Variants in ATP2B2 observed in about 807,000 individuals in gnomAD.
ATP2B2 encodes plasma membrane calcium-transporting ATPase 2.
ATP2B2 carries 15 observed loss-of-function variants against 120.0 expected under a neutral mutation model. The ratio of observed to expected loss-of-function variants is 0.12; its 90% confidence interval spans 0.08 to 0.19. The LOEUF (loss-of-function observed/expected upper bound fraction) is 0.19, where lower values mean the gene tolerates loss of function less well. ATP2B2 is among the 10% of genes least tolerant of loss of function. The pLI is 1.00. For synonymous variants in ATP2B2, 694 were observed against 700.3 expected (o/e 0.99, Z 0.14); for missense variants, 1,045 against 1,719.8 (o/e 0.61, Z 6.94).
At chr3:10,617,401 T>C (rs2069421341) in intron 2 of ATP2B2, among the ~76,000 whole-genome samples, 1 of 152,230 alleles carries the variant, frequency 6.6e-6, no homozygotes, top group Non-Finnish European at 1.5e-5. Context: ...TACCCGCCTA[T>C]AGTCAATACA....
intron 2 of ATP2B2, among the ~76,000 whole-genome samples, chr3:10,603,021 C>T (rs2068965330): frequency 1.3e-5 from 2 of 152,218 alleles, no homozygotes; most frequent in Admixed American, 6.5e-5. Context: ...CTGTGAAGCC[C>T]TATTTAAGGC....
At position 10,424,807 on chromosome 3, in the gene ATP2B2, T is replaced by C. The variant is rs141400302; in HGVS notation, c.200-13992A>G. On this transcript the variant is annotated intron_variant, in intron 2 of 22. Coordinates refer to ENST00000360273, the MANE Select transcript of ATP2B2 (RefSeq NM_001001331.4). ...GCAAGTTGCAGAACAATGTGTATAGTTTTATTCCACTTATGTAAAACAGAA... is the reference window on the plus strand; with the variant it reads ...GCAAGTTGCAGAACAATGTGTATAGCTTTATTCCACTTATGTAAAACAGAA... Among the ~76,000 whole-genome samples the C allele has an allele frequency of 1.5e-3, 221 of 152,306 alleles. 7 individuals are homozygous for C. In the South Asian group the frequency reaches 0.033, roughly 23 times the overall value.
intron 3 of ATP2B2, among the ~76,000 whole-genome samples, chr3:10,409,491 A>G (rs1237340790): frequency 6.6e-6 from 1 of 152,148 alleles, no homozygotes; most frequent in African/African-American, 2.4e-5. Context: ...TTAAATCTCA[A>G]TCATGGCAGC....
chr3:10,398,396 T>C (rs1449808516), intron 5 of ATP2B2, among the ~76,000 whole-genome samples: 1 of 152,240 alleles, frequency 6.6e-6, no homozygotes, highest in East Asian at 1.9e-4. Flanking sequence ...CCAAGGCCGC[T>C]GGTTCAGCTT....
chr3:10,495,328 C>T (rs113676606), intron 1 of ATP2B2, among the ~76,000 whole-genome samples: 2,122 of 152,242 alleles, frequency 0.014, 18 homozygotes, highest in Middle Eastern at 0.075. Flanking sequence ...AATTCCTCTC[C>T]GGCCTCAGTC....
chr3:10,673,048 A>T (rs932134781), intron 1 of ATP2B2, among the ~76,000 whole-genome samples: 2 of 152,168 alleles, frequency 1.3e-5, no homozygotes, highest in African/African-American at 4.8e-5. Flanking sequence ...GCAGAGCCTC[A>T]GTTTCCCCCT....
chr3:10,530,473 C>A (rs1050236364), intron 3 of ATP2B2, among the ~76,000 whole-genome samples: 4 of 152,222 alleles, frequency 2.6e-5, no homozygotes, highest in East Asian at 3.8e-4. Context: ...AGGCCTAGTG[C>A]GACAGCTCCC....
At chr3:10,387,855 C>A in intron 6 of ATP2B2, 1 of 283,606 alleles carries the variant, frequency 3.5e-6, no homozygotes, top group Non-Finnish European at 6.9e-6. Flanking sequence ...TTGGATGAAT[C>A]TATGCTGGGT....
chr3:10,541,937 G>T (rs1362878188), intron 2 of ATP2B2, among the ~76,000 whole-genome samples: 1 of 152,034 alleles, frequency 6.6e-6, no homozygotes, highest in Non-Finnish European at 1.5e-5. Flanking sequence ...CTATTGTTTG[G>T]TGTACACATA....
At chr3:10,469,504 C>CA (rs2064891956) in intron 1 of ATP2B2, among the ~76,000 whole-genome samples, 1 of 152,152 alleles carries the variant, frequency 6.6e-6, no homozygotes, top group Non-Finnish European at 1.5e-5. Context: ...GGCTCAGGGC[C>CA]CGTGCAAAGA....
chr3:10,435,529 C>T (rs1333796232), intron 2 of ATP2B2, among the ~76,000 whole-genome samples: 1 of 152,206 alleles, frequency 6.6e-6, no homozygotes, highest in Non-Finnish European at 1.5e-5. Context: ...ACCTCTGAGG[C>T]TCCCATTCAC....
chr3:10,539,550 G>A (rs528207409), intron 2 of ATP2B2, among the ~76,000 whole-genome samples: 13 of 152,112 alleles, frequency 8.5e-5, no homozygotes, highest in East Asian at 3.9e-4. Context: ...CAGAGCCCTC[G>A]GAAATAATAC....
chr3:10,341,082 C>T (rs138225037), intron 19 of ATP2B2, among the ~76,000 whole-genome samples: 19 of 152,250 alleles, frequency 1.2e-4, no homozygotes, highest in South Asian at 4.1e-4. Context: ...TGCGCTGCCC[C>T]GAGAGTGCTG....
At chr3:10,463,890 G>A (rs2064611166) in intron 1 of ATP2B2, among the ~76,000 whole-genome samples, 2 of 152,230 alleles carry the variant, frequency 1.3e-5, no homozygotes, top group Admixed American at 1.3e-4. Flanking sequence ...GGCAGCCCTT[G>A]GGCCCAGTCC....
chr3:10,361,093 C>A (rs2060884815), intron 12 of ATP2B2, among the ~76,000 whole-genome samples: 1 of 152,238 alleles, frequency 6.6e-6, no homozygotes, highest in South Asian at 2.1e-4. Flanking sequence ...TGCTGATAAT[C>A]TGTTCCTTTT....
At chr3:10,572,438 T>C (rs151118013) in intron 2 of ATP2B2, among the ~76,000 whole-genome samples, 21 of 152,344 alleles carry the variant, frequency 1.4e-4, no homozygotes, top group Middle Eastern at 3.4e-3. Context: ...GTGGTGATGG[T>C]TGCACAATAA....
chr3:10,500,242 T>C (rs1271928562), intron 1 of ATP2B2, among the ~76,000 whole-genome samples: 1 of 152,116 alleles, frequency 6.6e-6, no homozygotes, highest in African/African-American at 2.4e-5. Context: ...CTGGCCTGAC[T>C]TGGGCACATT....
In ATP2B2 at chr3:10,329,274, G is replaced by T; in HGVS notation, c.3421-149C>A. The T allele has an allele frequency of 3.7e-6, 3 of 801,964 alleles. No homozygotes were observed. Among genetic ancestry groups the T allele is most frequent in the East Asian group, 2.6e-5 (1 of 39,122 alleles). 49.7% of individuals were successfully genotyped at this position (801,964 alleles called of 1,614,324 possible). On this transcript the variant is annotated intron_variant, in intron 22 of 22. Coordinates refer to ENST00000360273, the MANE Select transcript of ATP2B2 (RefSeq NM_001001331.4). The surrounding 1 kb of genome is among the most constrained non-coding windows in gnomAD (Gnocchi z 5.9). ...TGGGTGTTATTAGCATTGACAGGATGGGGGAGAGTGAAAAAGGGGGCTCAG... is the reference window on the plus strand; with the variant it reads ...TGGGTGTTATTAGCATTGACAGGATTGGGGAGAGTGAAAAAGGGGGCTCAG...
intron 2 of ATP2B2, among the ~76,000 whole-genome samples, chr3:10,416,126 T>A (rs2125042998): frequency 6.6e-6 from 1 of 152,316 alleles, no homozygotes; most frequent in African/African-American, 2.4e-5. Context: ...TCCAACACTC[T>A]CCCAGATTTT....
Sources: gnomAD v4.1 joint callset for allele counts (sites outside exome capture counted in the v4.1 genomes callset) on GRCh38, gnomAD v4.1.1 for gene constraint, Gnocchi (gnomAD v3.1) non-coding constraint, MANE v1.5 for transcripts, NCBI Gene and HGNC (gene_info 2026-07-23, HGNC 2026-07-21) for gene names.